Variants in OR6P1 observed in about 807,000 individuals in gnomAD.
OR6P1 encodes the protein olfactory receptor family 6 subfamily P member 1.
Under a neutral mutation model 6.6 loss-of-function variants are expected in OR6P1, and 5 were observed. That is an observed-to-expected ratio of 0.76 (90% CI 0.40 to 1.60). The LOEUF is 1.60. OR6P1 is among the 40% of genes most tolerant of loss of function. The pLI, the probability that OR6P1 is intolerant of heterozygous loss-of-function variation, is 0.02. For synonymous variants in OR6P1, 177 were observed against 149.6 expected, an observed-to-expected ratio of 1.18 and a Z score of -1.33; for missense variants, 451 against 383.0, an observed-to-expected ratio of 1.18 and a Z score of -1.48.
rs1233424658 is a variant in OR6P1 at position 158,563,101 on chromosome 1, G to C, written c.504C>G (p.Tyr168Ter). The C allele has an allele frequency of 6.4e-7, 1 of 1,551,762 alleles. No individual in the cohort carries two copies. Among genetic ancestry groups the C allele is most frequent in the Non-Finnish European group, 8.7e-7 (1 of 1,147,042 alleles). Residue 168 changes from tyrosine to a stop codon, truncating the protein, a stop_gained, in exon 3 of 3, where the codon TAC (tyrosine) becomes TAG (stop). Transcript: ENST00000641540. LOFTEE classifies it high-confidence loss of function. ...AGTGGTTGATAATGTTGGGTCCACA[G>C]TAGGACAATTGGGAAATAAAAAGAA... ...MKLLFISQLS[Y>*]CGPNIINHFF...
Position 158,563,318 on chromosome 1 carries a change from C to T in OR6P1, c.287G>A (p.Gly96Asp). The T allele has an allele frequency of 6.4e-7, 1 of 1,551,432 alleles. No homozygotes were observed. The highest frequency in any genetic ancestry group is 1.2e-5 in the South Asian group (1 of 84,030). The change falls in exon 3 of 3, where the codon GGT becomes GAT. Residue 96 changes from glycine to aspartate, a missense_variant. Gly to Asp is a moderately conservative substitution (Grantham distance 94, BLOSUM62 -1). Coordinates refer to ENST00000641540, the MANE Select transcript of OR6P1 (RefSeq NM_001160325.2). ...LTQDGRVSYV[G>D]CMTQLYFFIA... Reference sequence around the variant, plus strand: ...AAAGAAGTACAGTTGGGTCATGCAACCTACGTAGGAGACTCTACCATCCTG... The same window carrying T: ...AAAGAAGTACAGTTGGGTCATGCAATCTACGTAGGAGACTCTACCATCCTG...
At position 158,562,552 on chromosome 1, in the gene OR6P1, G is replaced by C; in HGVS notation, c.*99C>G. ...CCAGACAATATTTAGAGAAAATGTT[G>C]GCAAATTATATTTATGTTCCCTTAA... On this transcript the variant is annotated 3_prime_UTR_variant, in exon 3 of 3. Transcript: ENST00000641540. 1 of 695,522 alleles carries C rather than the reference G, an allele frequency of 1.4e-6. No homozygotes were observed. Among genetic ancestry groups the C allele is most frequent in the East Asian group, 2.7e-5 (1 of 36,628 alleles). The allele number at this position is 695,522 out of a possible 1,614,324, so 43.1% of individuals were successfully genotyped here.
At chr1:158,568,417 G>A (rs527389654) in intron 1 of OR6P1, among the ~76,000 whole-genome samples, 2 of 152,164 alleles carry the variant, frequency 1.3e-5, no homozygotes, top group Non-Finnish European at 2.9e-5. Context: ...TCTACCATTA[G>A]CCTGCAATGT....
At position 158,563,267 on chromosome 1, in the gene OR6P1, A is replaced by T. The variant is rs1336578667; in HGVS notation, c.338T>A (p.Val113Glu). ...FFIALACTEC[V>E]LLAVMAYDRY... ...ATCATAGGCCATAACTGCCAACAGC[A>T]CACATTCAGTACAGGCTAAGGCAAT... Residue 113 changes from valine to glutamate, a missense_variant, in exon 3 of 3, where the codon GTG becomes GAG. Val to Glu is a moderately radical substitution (Grantham distance 121). Transcript: ENST00000641540. The T allele has an allele frequency of 9.7e-6, 15 of 1,551,602 alleles. No individual in the cohort carries two copies. The highest frequency in any genetic ancestry group is 1.4e-5 in the African/African-American group (1 of 73,026).
intron 2 of OR6P1, among the ~76,000 whole-genome samples, chr1:158,565,773 G>A (rs1298751532): frequency 6.6e-6 from 1 of 152,112 alleles, no homozygotes; most frequent in Non-Finnish European, 1.5e-5. Context: ...TTTTGGAGGT[G>A]TAAACACTAA....
rs1435137384 is a variant in OR6P1, at chr1:158,561,342, C to A, written c.*1309G>T. 3.3e-5 allele frequency: 5 copies of A among 152,164 alleles called. No individual in the cohort carries two copies. The highest frequency in any genetic ancestry group is 1.2e-4 in the African/African-American group (5 of 41,442). 9.4% of individuals were successfully genotyped at this position (152,164 alleles called of 1,614,324 possible). On this transcript the variant is annotated 3_prime_UTR_variant, in exon 3 of 3. Transcript: ENST00000641540. ...TTTTATGAAAACAAAACAACTTAAA[C>A]TGTTTTAAGTATCAGATCTTTTATT...
chr1:158,563,796 G>A (rs1460057447), intron 2 of OR6P1, among the ~76,000 whole-genome samples, 170 bp from the exon 3 acceptor site: 4 of 152,150 alleles, frequency 2.6e-5, no homozygotes, highest in Non-Finnish European at 4.4e-5. Flanking sequence ...AAAGTTAACA[G>A]ACCTGAGTAC....
At chr1:158,569,029 G>A (rs980842972) in intron 1 of OR6P1, among the ~76,000 whole-genome samples, 2 of 152,102 alleles carry the variant, frequency 1.3e-5, no homozygotes, top group African/African-American at 4.8e-5. Context: ...AATTTAAGAG[G>A]TAGAATGTCA....
chr1:158,563,163 A>G lies in OR6P1; in HGVS notation c.442T>C (p.Ser148Pro). ...GAGCTGAAGAAGCCACTGCCCCAAG[A>G]GGCAGCAGCAAGGCGAGTGGCCAGA... The part of the protein sequence containing the change: ...SSLATRLAAA[S>P]WGSGFFSSMM... Residue 148 changes from serine to proline, a missense_variant, in exon 3 of 3, where the codon TCT becomes CCT. By Grantham distance (74) the Ser-to-Pro change is moderately conservative (BLOSUM62 -1). Coordinates refer to ENST00000641540, the MANE Select transcript of OR6P1 (RefSeq NM_001160325.2). 1 of 1,551,600 alleles carries G rather than the reference A, an allele frequency of 6.4e-7. No individual in the cohort carries two copies. The highest frequency in any genetic ancestry group is 1.4e-5 in the African/African-American group (1 of 73,118).
At position 158,562,938 on chromosome 1, in the gene OR6P1, C is replaced by T. The variant is rs919811428; in HGVS notation, c.667G>A (p.Ala223Thr). 9.7e-6 allele frequency: 15 copies of T among 1,551,728 alleles called. No homozygotes were observed. In the African/African-American group the frequency reaches 1.8e-4, roughly 18 times the overall value. ...AVVSSYTAII[A>T]AILRIPTSRG... ...GACGTAGGGATCCTCAGGATGGCTG[C>T]AATGATGGCAGTGTATGATGAAACC... is the stretch of plus-strand genomic sequence containing the variant. Residue 223 changes from alanine (A) to threonine (T), a missense_variant, in exon 3 of 3, where the codon GCA (alanine) becomes ACA (threonine). Transcript: ENST00000641540.
chr1:158,565,485 A>G (rs1648074318), intron 2 of OR6P1, among the ~76,000 whole-genome samples: 2 of 152,156 alleles, frequency 1.3e-5, no homozygotes, highest in Admixed American at 6.5e-5. Flanking sequence ...TCTCTGTATC[A>G]TCTACCTACA....
rs778612347 is a variant in OR6P1, at chr1:158,562,605, C to T, written c.*46G>A. The T allele has an allele frequency of 2.8e-6, 3 of 1,079,558 alleles. No homozygotes were observed. The highest frequency in any genetic ancestry group is 4.2e-6 in the Non-Finnish European group (3 of 718,488). The allele number at this position is 1,079,558 out of a possible 1,614,324, so 66.9% of individuals were successfully genotyped here. A position where few individuals can be genotyped will look rare whatever the true frequency, so the allele number is the denominator to read the frequency against. On this transcript the variant is annotated 3_prime_UTR_variant, in exon 3 of 3. Transcript: ENST00000641540. The stretch of plus-strand genomic sequence containing the variant: ...CCTATTCTGATTCCTTGAGGAGGCC[C>T]TATTAAGATTCTGCTATTTTCACCT...
chr1:158,567,609 A>G (rs1286566521), intron 1 of OR6P1, among the ~76,000 whole-genome samples: 2 of 137,958 alleles, frequency 1.4e-5, no homozygotes, highest in Non-Finnish European at 3.1e-5. Context: ...ACACATGGAC[A>G]CAGGAAGGGG....
At position 158,563,330 on chromosome 1, in the gene OR6P1, ACT is replaced by A. The variant is rs866933532; in HGVS notation, c.273_274del (p.Arg91SerfsTer20). The A allele has an allele frequency of 1.5e-4, 235 of 1,551,272 alleles. No individual in the cohort carries two copies. The highest frequency in any genetic ancestry group is 2.0e-4 in the Non-Finnish European group (229 of 1,146,918). On this transcript the variant is annotated frameshift_variant, in exon 3 of 3. Coordinates refer to ENST00000641540, the MANE Select transcript of OR6P1 (RefSeq NM_001160325.2). LOFTEE classifies it high-confidence loss of function. The stretch of plus-strand genomic sequence containing the variant: ...TTGGGTCATGCAACCTACGTAGGAG[ACT>A]CTACCATCCTGGGTAAGAAAGGCTG...
In OR6P1 at chr1:158,562,335, A is replaced by C. The variant is rs946371429; in HGVS notation, c.*316T>G. On this transcript the variant is annotated 3_prime_UTR_variant, in exon 3 of 3. Coordinates refer to ENST00000641540, the MANE Select transcript of OR6P1 (RefSeq NM_001160325.2). ...AACTGTCTATGAAATAGGAATTCCC[A>C]GGAAGTTTTGAATATTATTCACGGC... 3.5e-6 allele frequency: 1 copy of C among 285,944 alleles called. No individual in the cohort carries two copies. Among genetic ancestry groups the C allele is most frequent in the South Asian group, 4.2e-5 (1 of 23,588 alleles). The allele number at this position is 285,944 out of a possible 1,614,324, so 17.7% of individuals were successfully genotyped here. A position where few individuals can be genotyped will look rare whatever the true frequency, so the allele number is the denominator to read the frequency against.
intron 1 of OR6P1, among the ~76,000 whole-genome samples, chr1:158,568,099 C>T (rs2101718986): frequency 6.6e-6 from 1 of 152,204 alleles, no homozygotes; most frequent in South Asian, 2.1e-4. Context: ...AATTTCTTCT[C>T]CAACCAAGGC....
chr1:158,566,723 C>T (rs1036860197), intron 2 of OR6P1, 41 bp downstream of exon 2: 1 of 152,050 alleles, frequency 6.6e-6, no homozygotes, highest in African/African-American at 2.4e-5. Flanking sequence ...GGTTCTTTTC[C>T]AGTTATTGCA....
chr1:158,560,858 C>A lies in OR6P1; in HGVS notation c.*1793G>T, dbSNP rs953973140. ...AAAAGTAGCTTGAAGCTATTATTTC[C>A]CACTAGATATCCTTAATACATTCAT... On this transcript the variant is annotated 3_prime_UTR_variant, in exon 3 of 3. Transcript: ENST00000641540. The A allele has an allele frequency of 6.6e-6, 1 of 152,088 alleles. No homozygotes were observed. 9.4% of individuals were successfully genotyped at this position (152,088 alleles called of 1,614,324 possible).
intron 1 of OR6P1, among the ~76,000 whole-genome samples, chr1:158,568,523 C>T (rs1341698480): frequency 6.6e-6 from 1 of 152,174 alleles, no homozygotes. Flanking sequence ...TTGAAGAATT[C>T]TCCTGTTGTA....
Sources: allele counts gnomAD v4.1 joint callset (sites outside exome capture counted in the v4.1 genomes callset), GRCh38; gene constraint gnomAD v4.1.1; transcripts MANE v1.5; gene names NCBI Gene and HGNC (gene_info 2026-07-23, HGNC 2026-07-21).